Variants in POGLUT1 observed in about 807,000 individuals in gnomAD.
The protein encoded by POGLUT1 is protein O-glucosyltransferase 1.
A neutral mutation model predicts 61.3 loss-of-function variants in POGLUT1; 32 were observed. The ratio of observed to expected loss-of-function variants is 0.52; its 90% CI spans 0.39 to 0.70. POGLUT1 has a LOEUF of 0.70. Ranked by LOEUF, POGLUT1 falls within the 30% of genes least tolerant of loss-of-function variation. The pLI is 0.00. For missense variants in POGLUT1, 411 were observed against 469.8 expected, an observed-to-expected ratio of 0.87 and a Z score of 1.16; for synonymous variants, 158 against 158.2, an observed-to-expected ratio of 1.00 and a Z score of 0.01.
intron 4 of POGLUT1, among the ~76,000 whole-genome samples, chr3:119,478,628 T>C (rs1359693881): frequency 6.6e-6 from 1 of 152,240 alleles, no homozygotes; most frequent in Admixed American, 6.5e-5. Context: ...TTTTACTCTG[T>C]CAACTTTATA....
intron 3 of POGLUT1, among the ~76,000 whole-genome samples, chr3:119,472,332 G>A (rs955356993): frequency 1.3e-5 from 2 of 152,034 alleles, no homozygotes; most frequent in Non-Finnish European, 2.9e-5. Context: ...TAAATGTGCA[G>A]AGTTGCAAAA....
chr3:119,477,903 G>C (rs1309684410), intron 4 of POGLUT1, among the ~76,000 whole-genome samples: 1 of 152,216 alleles, frequency 6.6e-6, no homozygotes, highest in African/African-American at 2.4e-5. Context: ...GTGGCTAAAA[G>C]TGAACCTGAA....
rs763068507 is a variant in POGLUT1, at chr3:119,471,402, G to C, written c.270G>C (p.Gln90His). The C allele has an allele frequency of 2.3e-5, 37 of 1,613,970 alleles. No homozygotes were observed. The Admixed American group carries it at 3.2e-4, about 14-fold the overall frequency. ...VVRRKLGTHYQITKNRLYREN... is the reference protein window; with the variant it reads ...VVRRKLGTHYHITKNRLYREN... ...GACGGAAGCTAGGGACCCACTATCA[G>C]ATCACTAAGAACAGACTGTACCGGG... Residue 90 changes from glutamine (Q) to histidine (H), a missense_variant, in exon 3 of 11, where the codon CAG becomes CAC. Physicochemically the swap from Gln to His is conservative, Grantham distance 24. Transcript: ENST00000295588.
rs746047887 is a variant in POGLUT1, at chr3:119,471,304, C to T, written c.177-5C>T. 1 of 1,613,546 alleles carries T rather than the reference C, an allele frequency of 6.2e-7. No individual in the cohort carries two copies. Among genetic ancestry groups the T allele is most frequent in the Non-Finnish European group, 8.5e-7 (1 of 1,179,722 alleles). On this transcript the variant is annotated splice_polypyrimidine_tract_variant and splice_region_variant and intron_variant, in intron 2 of 10. Transcript: ENST00000295588. ...CTTTCCTTGATGACTCCCATTCTTTCCCAGTGTCATAGAAGAGGATCTAAC... is the reference window on the plus strand; with the variant it reads ...CTTTCCTTGATGACTCCCATTCTTTTCCAGTGTCATAGAAGAGGATCTAAC...
Position 119,491,629 on chromosome 3 carries a change from C to G in POGLUT1, c.1022+55C>G, listed in dbSNP as rs371926562. On this transcript the variant is annotated intron_variant, in intron 10 of 10. Transcript: ENST00000295588. ...TTTACTTTTTGTCATCCCCATTATGCCCTAGCCAAAGTTATCTGAATATTG... is the reference window on the plus strand; with the variant it reads ...TTTACTTTTTGTCATCCCCATTATGGCCTAGCCAAAGTTATCTGAATATTG... 29 of 858,712 alleles carry G rather than the reference C, an allele frequency of 3.4e-5. 1 individual carries two copies. In the African/African-American group the frequency reaches 3.8e-4, roughly 11 times the overall value. 53.2% of individuals were successfully genotyped at this position (858,712 alleles called of 1,614,324 possible).
intron 3 of POGLUT1, among the ~76,000 whole-genome samples, chr3:119,475,836 A>G (rs1440196764): frequency 6.6e-6 from 1 of 151,926 alleles, no homozygotes; most frequent in Non-Finnish European, 1.5e-5. Context: ...ATCTTGATAA[A>G]CAGGCTGGGC....
chr3:119,478,592 A>G (rs1422374340), intron 4 of POGLUT1: 3 of 351,090 alleles, frequency 8.5e-6, no homozygotes, highest in Non-Finnish European at 1.1e-5. Flanking sequence ...TTTTTAAATC[A>G]GTGACTTCTA....
At chr3:119,492,218 A>T in intron 10 of POGLUT1, 64 bp from the exon 11 acceptor site, 1 of 1,224,418 alleles carries the variant, frequency 8.2e-7, no homozygotes, top group Non-Finnish European at 1.2e-6. Context: ...GAGCACTCAA[A>T]TGCAGACTGC....
rs544190851 is a variant in POGLUT1 at position 119,494,610 on chromosome 3, C to A, written c.*2172C>A. ...TGTTGTTGTTATTACTAGTTCAGTC[C>A]CAAACTTACCCTTTCCTTTTCAGAG... On this transcript the variant is annotated 3_prime_UTR_variant, in exon 11 of 11. Coordinates refer to ENST00000295588, the MANE Select transcript of POGLUT1 (RefSeq NM_152305.3). 1 of 152,712 alleles carries A rather than the reference C, an allele frequency of 6.5e-6. No individual in the cohort carries two copies. Among genetic ancestry groups the A allele is most frequent in the East Asian group, 1.9e-4 (1 of 5,188 alleles). 9.5% of individuals were successfully genotyped at this position (152,712 alleles called of 1,614,324 possible).
chr3:119,488,952 TA>T lies in POGLUT1; in HGVS notation c.764del (p.Lys255ArgfsTer20). ...AGGATACCTTAGGAAAGCCAGCTGCTAAGGATGTCCATCTTGTGGATCACTG... is the reference window on the plus strand; with the variant it reads ...AGGATACCTTAGGAAAGCCAGCTGCTAGGATGTCCATCTTGTGGATCACTG... ...MKDTLGKPAA[K>X]DVHLVDHCKY... On this transcript the variant is annotated frameshift_variant, in exon 8 of 11. Coordinates refer to ENST00000295588, the MANE Select transcript of POGLUT1 (RefSeq NM_152305.3). LOFTEE classifies it high-confidence loss of function. 1 of 1,594,240 alleles carries T rather than the reference TA, an allele frequency of 6.3e-7. No individual in the cohort carries two copies. The highest frequency in any genetic ancestry group is 8.6e-7 in the Non-Finnish European group (1 of 1,163,826).
intron 5 of POGLUT1, among the ~76,000 whole-genome samples, chr3:119,483,659 T>C (rs1274220009): frequency 6.6e-6 from 1 of 152,254 alleles, no homozygotes; most frequent in Admixed American, 6.5e-5. Flanking sequence ...CTCTGTTACA[T>C]AGAGCAAAGT....
chr3:119,491,628 G>T, intron 10 of POGLUT1, 54 bp downstream of exon 10: 1 of 864,610 alleles, frequency 1.2e-6, no homozygotes, highest in Non-Finnish European at 1.9e-6. Context: ...TCCCCATTAT[G>T]CCCTAGCCAA....
At chr3:119,477,005 G>T (rs2081545074) in intron 3 of POGLUT1, among the ~76,000 whole-genome samples, 1 of 152,154 alleles carries the variant, frequency 6.6e-6, no homozygotes, top group African/African-American at 2.4e-5. Context: ...GGGAAATAAA[G>T]AAAAGAACTG....
intron 2 of POGLUT1, among the ~76,000 whole-genome samples, chr3:119,470,713 G>T (rs2081460072): frequency 6.6e-6 from 1 of 152,234 alleles, no homozygotes; most frequent in South Asian, 2.1e-4. Context: ...CTGGGTCTCA[G>T]ATTCTTCATC....
intron 5 of POGLUT1, 104 bp downstream of exon 5, chr3:119,480,276 TTCGCCC>T: frequency 1.1e-6 from 1 of 940,006 alleles, no homozygotes; most frequent in Non-Finnish European, 1.5e-6. Flanking sequence ...GAGACGGAGT[TTCGCCC>T]TTTTTGCCCA....
chr3:119,485,764 A>G (rs930223096), intron 6 of POGLUT1, among the ~76,000 whole-genome samples: 7 of 152,232 alleles, frequency 4.6e-5, no homozygotes, highest in Admixed American at 1.3e-4. Flanking sequence ...ACTCATCACC[A>G]TATCTCTTGA....
At chr3:119,481,691 T>C (rs2081607457) in intron 5 of POGLUT1, among the ~76,000 whole-genome samples, 1 of 152,218 alleles carries the variant, frequency 6.6e-6, no homozygotes, top group African/African-American at 2.4e-5. Flanking sequence ...ATTGTCTTTG[T>C]CCAGCCCTTT....
intron 3 of POGLUT1, among the ~76,000 whole-genome samples, chr3:119,473,003 C>T (rs1444596930): frequency 6.6e-6 from 1 of 152,140 alleles, no homozygotes; most frequent in African/African-American, 2.4e-5. Flanking sequence ...TGCCACTGCA[C>T]TCCAGCCAGG....
intron 1 of POGLUT1, 86 bp downstream of exon 1, chr3:119,469,192 G>C (rs750600313): frequency 4.6e-6 from 5 of 1,081,388 alleles, no homozygotes; most frequent in African/African-American, 1.5e-5. Context: ...GCCGGCTCCC[G>C]GGAAGATGCC....
Sources: allele counts gnomAD v4.1 joint callset (sites outside exome capture counted in the v4.1 genomes callset), GRCh38; gene constraint gnomAD v4.1.1; transcripts MANE v1.5; gene names NCBI Gene and HGNC (gene_info 2026-07-23, HGNC 2026-07-21).